MPHOSPH8: variants seen among roughly 807,000 people sequenced by gnomAD.
MPHOSPH8 encodes the protein M-phase phosphoprotein 8.
A neutral mutation model predicts 87.3 loss-of-function variants in MPHOSPH8; 45 were observed. The ratio of observed to expected loss-of-function variants is 0.52; its 90% CI spans 0.41 to 0.66. The LOEUF (loss-of-function observed/expected upper bound fraction) is 0.66. Ranked by LOEUF, MPHOSPH8 falls within the 30% of genes least tolerant of loss-of-function variation. MPHOSPH8 has a pLI of 0.00. For missense variants in MPHOSPH8, 883 were observed against 1,020.2 expected (o/e 0.87, Z 1.83); for synonymous variants, 366 against 376.9 (o/e 0.97, Z 0.33).
chr13:19,671,122 ATGATTCT>A, intron 12 of MPHOSPH8, 77 bp from the exon 13 acceptor site: 3 of 1,527,694 alleles, frequency 2.0e-6, no homozygotes, highest in Non-Finnish European at 2.6e-6. Context: ...AAACTTATTT[ATGATTCT>A]TTTACATCAT....
At chr13:19,660,576 G>C (rs978475400) in intron 7 of MPHOSPH8, among the ~76,000 whole-genome samples, 1 of 152,074 alleles carries the variant, frequency 6.6e-6, no homozygotes, top group African/African-American at 2.4e-5. Context: ...TGCATCTTCT[G>C]TCTAGGAACA....
intron 3 of MPHOSPH8, 42 bp from the exon 4 acceptor site, chr13:19,648,380 A>C (rs773548957): frequency 6.9e-6 from 9 of 1,311,578 alleles, no homozygotes; most frequent in South Asian, 2.7e-5. Flanking sequence ...TACAGTGTCA[A>C]CTCTTTATCC....
intron 10 of MPHOSPH8, among the ~76,000 whole-genome samples, chr13:19,667,166 C>T (rs1875866146): frequency 6.6e-6 from 1 of 151,994 alleles, no homozygotes; most frequent in Non-Finnish European, 1.5e-5. Context: ...TGTTTCCGCC[C>T]CCCACCACCA....
intron 1 of MPHOSPH8, among the ~76,000 whole-genome samples, chr13:19,635,156 T>G (rs1333918028): frequency 6.6e-6 from 1 of 152,246 alleles, no homozygotes; most frequent in African/African-American, 2.4e-5. Flanking sequence ...GGTGAAAGGA[T>G]GAGCCACTGT....
chr13:19,633,660 A>T lies in MPHOSPH8; in HGVS notation c.-89A>T, dbSNP rs1873819694. 2 of 1,397,446 alleles carry T rather than the reference A, an allele frequency of 1.4e-6. No homozygotes were observed. The highest frequency in any genetic ancestry group is 2.0e-6 in the Non-Finnish European group (2 of 1,011,148). 86.6% of individuals were successfully genotyped at this position (1,397,446 alleles called of 1,614,324 possible). A position where few individuals can be genotyped will look rare whatever the true frequency, so the allele number is the denominator to read the frequency against. ...TTGGTCGGCTTCCGTTACGCCGCTGATGTGGAGTAGGGCCGAGCGCGGAAC... is the reference window on the plus strand; with the variant it reads ...TTGGTCGGCTTCCGTTACGCCGCTGTTGTGGAGTAGGGCCGAGCGCGGAAC... On this transcript the variant is annotated 5_prime_UTR_variant, in exon 1 of 14. It removes an upstream start codon present in the reference 5' UTR. Coordinates refer to ENST00000361479, the MANE Select transcript of MPHOSPH8 (RefSeq NM_017520.4).
intron 4 of MPHOSPH8, among the ~76,000 whole-genome samples, chr13:19,649,519 C>G (rs1359831578): frequency 2.6e-5 from 4 of 152,156 alleles, no homozygotes; most frequent in Non-Finnish European, 5.9e-5. Flanking sequence ...TTTCTTCCCA[C>G]TTTCTTCTTT....
chr13:19,640,093 C>T (rs1364668334), intron 1 of MPHOSPH8, among the ~76,000 whole-genome samples: 1 of 146,478 alleles, frequency 6.8e-6, no homozygotes, highest in Non-Finnish European at 1.5e-5. Flanking sequence ...GCGACCCTGT[C>T]TTAAAAAAAA....
chr13:19,671,235 T>C lies in MPHOSPH8; in HGVS notation c.2487T>C (p.Pro829=), dbSNP rs752642801. The C allele has an allele frequency of 6.2e-7, 1 of 1,614,164 alleles. No individual in the cohort carries two copies. The highest frequency in any genetic ancestry group is 1.7e-5 in the Admixed American group (1 of 60,022). ...LDSHFVYSFS[P]VAGPNKLFIR... ...GTCATTTTGTTTACTCATTCAGCCCTGTTGCAGGTCCCAATAAACTCTTCA... is the reference window on the plus strand; with the variant it reads ...GTCATTTTGTTTACTCATTCAGCCCCGTTGCAGGTCCCAATAAACTCTTCA... Residue 829 remains proline, a synonymous_variant, in exon 13 of 14, where the codon CCT becomes CCC. Coordinates refer to ENST00000361479, the MANE Select transcript of MPHOSPH8 (RefSeq NM_017520.4).
Position 19,642,258 on chromosome 13 carries a change from G to A in MPHOSPH8, c.357G>A (p.Arg119=), listed in dbSNP as rs756236822. The change falls in exon 2 of 14, where the codon AGG becomes AGA. Residue 119 remains arginine, a synonymous_variant. Coordinates refer to ENST00000361479, the MANE Select transcript of MPHOSPH8 (RefSeq NM_017520.4). ...KIAENKAKAV[R]KDIQRLSLNN... ...CAGAGAACAAAGCCAAAGCAGTCAG[G>A]AAGGATATTCAGGTACTATGTTTTG... The A allele has an allele frequency of 1.3e-6, 2 of 1,594,468 alleles. No individual in the cohort carries two copies. Among genetic ancestry groups the A allele is most frequent in the Non-Finnish European group, 1.7e-6 (2 of 1,174,186 alleles).
intron 9 of MPHOSPH8, among the ~76,000 whole-genome samples, chr13:19,666,172 T>C (rs1875802600): frequency 2.0e-5 from 3 of 152,182 alleles, no homozygotes; most frequent in Admixed American, 6.5e-5. Context: ...GAAAACTCAG[T>C]GCTAAGATAT....
intron 1 of MPHOSPH8, 72 bp from the exon 2 acceptor site, chr13:19,642,040 GTTT>G: frequency 4.9e-5 from 27 of 555,172 alleles, no homozygotes; most frequent in African/African-American, 1.0e-4. Flanking sequence ...CTTCTCATCA[GTTT>G]TTTTTTTTTT....
intron 3 of MPHOSPH8, among the ~76,000 whole-genome samples, chr13:19,648,217 G>C (rs1031297642): frequency 2.6e-5 from 4 of 151,694 alleles, no homozygotes; most frequent in African/African-American, 9.7e-5. Context: ...GTTGGGTTTG[G>C]AATTTGATAT....
intron 1 of MPHOSPH8, among the ~76,000 whole-genome samples, chr13:19,639,537 C>T (rs1341798083): frequency 6.6e-6 from 1 of 151,918 alleles, no homozygotes; most frequent in Non-Finnish European, 1.5e-5. Flanking sequence ...TCTCAAACGC[C>T]TGACCTCGTG....
chr13:19,663,348 T>C (rs930520842), intron 9 of MPHOSPH8, among the ~76,000 whole-genome samples: 1 of 152,144 alleles, frequency 6.6e-6, no homozygotes, highest in African/African-American at 2.4e-5. Flanking sequence ...CAGAGAGCCA[T>C]GAGGTCACAG....
chr13:19,646,961 A>AAG lies in MPHOSPH8; in HGVS notation c.897_898dup (p.Ala300GlufsTer16). ...AAGAGAAACAAAACACTAAAAGTGC[A>AAG]AGAGAGAGAGCAGGGCAGGACATGG... On this transcript the variant is annotated frameshift_variant, in exon 3 of 14. Coordinates refer to ENST00000361479, the MANE Select transcript of MPHOSPH8 (RefSeq NM_017520.4). LOFTEE classifies it high-confidence loss of function. 1 of 1,592,664 alleles carries AAG rather than the reference A, an allele frequency of 6.3e-7. No individual in the cohort carries two copies. The highest frequency in any genetic ancestry group is 8.5e-7 in the Non-Finnish European group (1 of 1,174,660).
intron 11 of MPHOSPH8, among the ~76,000 whole-genome samples, chr13:19,668,951 C>G (rs1875970110): frequency 6.6e-6 from 1 of 152,120 alleles, no homozygotes; most frequent in Admixed American, 6.5e-5. Context: ...CTCGACAGAC[C>G]CTCTCCAGGC....
chr13:19,665,002 C>T (rs1180084320), intron 9 of MPHOSPH8, among the ~76,000 whole-genome samples: 1 of 152,050 alleles, frequency 6.6e-6, no homozygotes, highest in Non-Finnish European at 1.5e-5. Flanking sequence ...CAGCACCTCC[C>T]CCACACAGCA....
Position 19,642,178 on chromosome 13 carries a change from G to A in MPHOSPH8, c.277G>A (p.Glu93Lys), listed in dbSNP as rs762476495. The A allele has an allele frequency of 6.2e-6, 10 of 1,612,032 alleles. No homozygotes were observed. The highest frequency in any genetic ancestry group is 4.4e-5 in the South Asian group (4 of 90,800). The change falls in exon 2 of 14, where the codon GAG becomes AAG. Residue 93 changes from glutamate to lysine, a missense_variant. By Grantham distance (56) the Glu-to-Lys change is moderately conservative. This residue lies in a region of MPHOSPH8 where 39 missense variants were observed against 82.4 expected (regional missense o/e 0.47). Transcript: ENST00000361479. ...YTSDDDTWEP[E>K]IHLEDCKEVL... ...ATCGGATGATGATACCTGGGAGCCCGAGATTCACCTGGAGGACTGTAAAGA... is the reference window on the plus strand; with the variant it reads ...ATCGGATGATGATACCTGGGAGCCCAAGATTCACCTGGAGGACTGTAAAGA...
At chr13:19,639,995 A>G (rs1286625434) in intron 1 of MPHOSPH8, among the ~76,000 whole-genome samples, 2 of 152,158 alleles carry the variant, frequency 1.3e-5, no homozygotes, top group Admixed American at 1.3e-4. Flanking sequence ...AATCTCAGCT[A>G]CTTGGGAGGC....
Sources: allele counts gnomAD v4.1 joint callset (sites outside exome capture counted in the v4.1 genomes callset), GRCh38; gene constraint gnomAD v4.1.1; regional missense constraint gnomAD v4.1.1; transcripts MANE v1.5; gene names NCBI Gene and HGNC (gene_info 2026-07-23, HGNC 2026-07-21).